The following CADM1 variants were observed in gnomAD, a reference collection of about 807,000 sequenced individuals.
The protein encoded by CADM1 is cell adhesion molecule 1.
CADM1 carries 15 observed loss-of-function variants against 53.1 expected under a neutral mutation model. The observed-to-expected ratio is 0.28, with a 90% CI of 0.19 to 0.44. CADM1 has a LOEUF of 0.44. Among genes scored for constraint, CADM1 ranks in the 20% least tolerant of loss-of-function variants. The pLI, the probability that CADM1 is intolerant of heterozygous loss-of-function variation, is 1.00. For synonymous variants in CADM1, 281 were observed against 243.0 expected (o/e 1.16, Z -1.45); for missense variants, 434 against 611.3 (o/e 0.71, Z 3.06).
chr11:115,343,618 A>T (rs2135251292), intron 1 of CADM1, among the ~76,000 whole-genome samples: 1 of 152,102 alleles, frequency 6.6e-6, no homozygotes, highest in East Asian at 1.9e-4. Context: ...AAAGCTGGGG[A>T]CTATCAATAT....
In CADM1 at chr11:115,178,627, G is replaced by A. The variant is rs543589576; in HGVS notation, c.1297+17C>T. ...CTGTGGGGACACGCTGCTTCTGTCT[G>A]CTGAAGCTTTGCTTACCTTTATGTC... On this transcript the variant is annotated intron_variant, in intron 11 of 11. Transcript: ENST00000331581. 3 of 1,611,508 alleles carry A rather than the reference G, an allele frequency of 1.9e-6. No individual in the cohort carries two copies. The African/African-American group carries it at 4.0e-5, about 22-fold the overall frequency.
rs372189377 is a variant in CADM1, at chr11:115,204,862, A to G, written c.1078+4712T>C. ...AAAATAATAATGTGGGCCTGGGGGT[A>G]GGAATCATTTGCTACAAGCTATATT... is the stretch of plus-strand genomic sequence containing the variant. On this transcript the variant is annotated intron_variant, in intron 8 of 11. Transcript: ENST00000331581. Among the ~76,000 whole-genome samples the G allele has an allele frequency of 4.6e-5, 7 of 152,218 alleles. No individual in the cohort carries two copies. In the East Asian group the frequency reaches 5.8e-4, roughly 13 times the overall value.
intron 1 of CADM1, among the ~76,000 whole-genome samples, chr11:115,348,518 G>T (rs1264651916): frequency 6.6e-6 from 1 of 152,062 alleles, no homozygotes; most frequent in African/African-American, 2.4e-5. Flanking sequence ...TGAAATCTTG[G>T]GTTATGACCA....
intron 1 of CADM1, among the ~76,000 whole-genome samples, chr11:115,256,269 A>AAT (rs1402681523): frequency 6.6e-6 from 1 of 152,246 alleles, no homozygotes; most frequent in African/African-American, 2.4e-5. Flanking sequence ...TTGCTGTAAA[A>AAT]ATATAGGTAA....
At chr11:115,256,824 GTTCTTAC>G (rs1211480345) in intron 1 of CADM1, 1 of 455,944 alleles carries the variant, frequency 2.2e-6, no homozygotes, top group African/African-American at 2.0e-5. Context: ...GCTGTTAGCT[GTTCTTAC>G]CACTGGTATG....
At chr11:115,311,148 T>C (rs957607628) in intron 1 of CADM1, among the ~76,000 whole-genome samples, 1 of 152,200 alleles carries the variant, frequency 6.6e-6, no homozygotes, top group Non-Finnish European at 1.5e-5. Flanking sequence ...GTCATGGTAA[T>C]GAAAGACACT....
intron 1 of CADM1, among the ~76,000 whole-genome samples, chr11:115,340,658 A>ATATATATATATATATATATATT (rs60532835): frequency 2.9e-5 from 1 of 34,946 alleles, no homozygotes; most frequent in African/African-American, 1.4e-4. Flanking sequence ...ATATATATAT[A>ATATATATATATATATATATATT]TTTTTTTTTT....
intron 1 of CADM1, among the ~76,000 whole-genome samples, chr11:115,253,101 AAC>A (rs1555050051): frequency 1.3e-5 from 2 of 152,102 alleles, no homozygotes; most frequent in Non-Finnish European, 2.9e-5. Context: ...ACAAACAAAC[AAC>A]ACACACACAC....
chr11:115,454,766 A>G (rs1273559295), intron 1 of CADM1, among the ~76,000 whole-genome samples: 2 of 152,174 alleles, frequency 1.3e-5, no homozygotes, highest in Non-Finnish European at 2.9e-5. Context: ...CCAAGAGTTC[A>G]TTTTAGGTCA....
At chr11:115,375,285 GCAAA>G (rs1414300868) in intron 1 of CADM1, among the ~76,000 whole-genome samples, 3 of 152,082 alleles carry the variant, frequency 2.0e-5, no homozygotes, top group South Asian at 4.1e-4. Context: ...AAAAGCAAAA[GCAAA>G]CAAAAAAATG....
intron 1 of CADM1, among the ~76,000 whole-genome samples, chr11:115,334,598 A>G (rs1945216894): frequency 6.6e-6 from 1 of 152,168 alleles, no homozygotes; most frequent in African/African-American, 2.4e-5. Context: ...AAGCTTTATC[A>G]TAGGTATGTA....
At chr11:115,434,084 G>A (rs45587938) in intron 1 of CADM1, among the ~76,000 whole-genome samples, 11,769 of 152,158 alleles carry the variant, frequency 0.077, 638 homozygotes, top group Middle Eastern at 0.13. Flanking sequence ...CACTCTGGCC[G>A]TCAAGTGGAA....
chr11:115,326,181 T>C (rs562428204), intron 1 of CADM1, among the ~76,000 whole-genome samples: 2 of 152,272 alleles, frequency 1.3e-5, no homozygotes, highest in African/African-American at 2.4e-5. Flanking sequence ...ATAAAGAATA[T>C]AAAAGCAGCT....
chr11:115,472,520 T>C (rs1949040157), intron 1 of CADM1, among the ~76,000 whole-genome samples: 1 of 152,240 alleles, frequency 6.6e-6, no homozygotes, highest in African/African-American at 2.4e-5. Flanking sequence ...AACAAATCAA[T>C]GTACAGGCTT....
At chr11:115,191,760 T>A (rs924616654) in intron 9 of CADM1, among the ~76,000 whole-genome samples, 1 of 152,238 alleles carries the variant, frequency 6.6e-6, no homozygotes. Flanking sequence ...TAATGAAGTT[T>A]ATTTAATAAC....
At chr11:115,329,307 T>G (rs906563505) in intron 1 of CADM1, among the ~76,000 whole-genome samples, 1 of 152,152 alleles carries the variant, frequency 6.6e-6, no homozygotes. Flanking sequence ...CACAGTGGAT[T>G]GTTTTGCTGT....
At chr11:115,402,811 A>G (rs1425933008) in intron 1 of CADM1, among the ~76,000 whole-genome samples, 2 of 152,296 alleles carry the variant, frequency 1.3e-5, no homozygotes, top group Middle Eastern at 3.4e-3. Flanking sequence ...AGAAGGCAAA[A>G]GGGTATAAAA....
rs987335342 is a variant in CADM1, at chr11:115,189,939, G to A, written c.1165+949C>T. Among the ~76,000 whole-genome samples the A allele has an allele frequency of 5.3e-5, 8 of 152,258 alleles. 1 individual carries two copies. The South Asian group carries it at 1.7e-3, about 32-fold the overall frequency. ...TAAATCAATTGCACTTTGAAAAATCGAGTAGTACTATCTTATTCTCTCACC... is the reference window on the plus strand; with the variant it reads ...TAAATCAATTGCACTTTGAAAAATCAAGTAGTACTATCTTATTCTCTCACC... On this transcript the variant is annotated intron_variant, in intron 10 of 11. Coordinates refer to ENST00000331581, the MANE Select transcript of CADM1 (RefSeq NM_001301043.2).
intron 11 of CADM1, among the ~76,000 whole-genome samples, chr11:115,177,792 C>T (rs1939107477): frequency 3.3e-5 from 5 of 152,004 alleles, no homozygotes; most frequent in Admixed American, 3.3e-4. Flanking sequence ...TTGAGACAGG[C>T]ACTCTGTATC....
Sources: gnomAD v4.1 joint callset for allele counts (sites outside exome capture counted in the v4.1 genomes callset) on GRCh38, gnomAD v4.1.1 for gene constraint, MANE v1.5 for transcripts, NCBI Gene and HGNC (gene_info 2026-07-23, HGNC 2026-07-21) for gene names.